SPINK5: variants seen among roughly 807,000 people sequenced by gnomAD.
SPINK5 encodes the protein serine protease inhibitor Kazal-type 5.
Under a neutral mutation model 151.8 loss-of-function variants are expected in SPINK5, and 125 were observed. The observed-to-expected ratio is 0.82, with a 90% CI of 0.71 to 0.96. The LOEUF (loss-of-function observed/expected upper bound fraction) is 0.96. SPINK5 is among the 40% of genes least tolerant of loss of function. The probability of loss-of-function intolerance (pLI) is 0.00; values close to 1 mark genes in which losing one functional copy is unlikely to be tolerated. For synonymous variants in SPINK5, 374 were observed against 395.3 expected (o/e 0.95, Z 0.64); for missense variants, 1,194 against 1,291.9 (o/e 0.92, Z 1.16).
chr5:148,099,418 C>A lies in SPINK5; in HGVS notation c.1092+103C>A, dbSNP rs11168021. On this transcript the variant is annotated intron_variant, in intron 12 of 32. Transcript: ENST00000256084. Reference sequence around the variant, plus strand: ...TGCCCTGCAGAAATCCCCAGAATATCTTAACTCTTCAATCTGGGGATGGTA... The same window carrying A: ...TGCCCTGCAGAAATCCCCAGAATATATTAACTCTTCAATCTGGGGATGGTA... The A allele has an allele frequency of 0.51, 453,022 of 893,504 alleles. 117,589 individuals are homozygous for A. The highest frequency in any genetic ancestry group is 0.64 in the Admixed American group (31,037 of 48,170). The allele number at this position is 893,504 out of a possible 1,614,324, so 55.3% of individuals were successfully genotyped here.
chr5:148,136,115 A>T (rs185765997), intron 32 of SPINK5, among the ~76,000 whole-genome samples: 164 of 152,264 alleles, frequency 1.1e-3, no homozygotes, highest in Non-Finnish European at 4.7e-4. Context: ...CCAGTGCTCT[A>T]CTACCATTCC....
In SPINK5 at chr5:148,136,964, T is replaced by C; in HGVS notation, c.3187-19T>C. 6.2e-7 allele frequency: 1 copy of C among 1,613,678 alleles called. No homozygotes were observed. The highest frequency in any genetic ancestry group is 1.7e-4 in the Middle Eastern group (1 of 6,060). ...TATCTCTGGGTTCTAGCATCTAACC[T>C]ACCCATCTTCTCTTCTAGGACGAAT... On this transcript the variant is annotated intron_variant, in intron 32 of 32. Transcript: ENST00000256084.
intron 15 of SPINK5, among the ~76,000 whole-genome samples, chr5:148,103,141 A>G (rs1298772368): frequency 6.6e-6 from 1 of 152,154 alleles, no homozygotes; most frequent in Non-Finnish European, 1.5e-5. Flanking sequence ...TTAGAAGGAA[A>G]GTTGAGATCA....
chr5:148,131,510 A>T, intron 31 of SPINK5, 121 bp downstream of exon 31: 1 of 1,434,848 alleles, frequency 7.0e-7, no homozygotes, highest in Non-Finnish European at 9.6e-7. Context: ...TTCATCATAG[A>T]AGTTAAAAAT....
At chr5:148,106,702 T>C (rs571939016) in intron 16 of SPINK5, among the ~76,000 whole-genome samples, 70 of 152,180 alleles carry the variant, frequency 4.6e-4, no homozygotes, top group African/African-American at 1.5e-3. Flanking sequence ...TAAAGACAAA[T>C]CACAGGTAAG....
rs1002189637 is a variant in SPINK5 at position 148,095,990 on chromosome 5, G to A, written c.882+85G>A. On this transcript the variant is annotated intron_variant, in intron 10 of 32. Transcript: ENST00000256084. ...TGAGAGAGTGCATATTACATAGTATGCACTTTCAATATTGTTTAATATTTT... is the reference window on the plus strand; with the variant it reads ...TGAGAGAGTGCATATTACATAGTATACACTTTCAATATTGTTTAATATTTT... 6.4e-5 allele frequency: 66 copies of A among 1,034,258 alleles called. No individual in the cohort carries two copies. In the African/African-American group the frequency reaches 6.5e-4, roughly 10 times the overall value. 64.1% of individuals were successfully genotyped at this position (1,034,258 alleles called of 1,614,324 possible). A position where few individuals can be genotyped will look rare whatever the true frequency, so the allele number is the denominator to read the frequency against.
intron 4 of SPINK5, among the ~76,000 whole-genome samples, chr5:148,081,584 A>C (rs1362150561): frequency 1.3e-5 from 2 of 151,576 alleles, no homozygotes; most frequent in Non-Finnish European, 3.0e-5. Context: ...GAGTCAGAAA[A>C]ATGTTTAATG....
At chr5:148,082,035 T>G (rs1392216846) in intron 4 of SPINK5, among the ~76,000 whole-genome samples, 5 of 151,734 alleles carry the variant, frequency 3.3e-5, no homozygotes, top group Non-Finnish European at 3.0e-5. Context: ...TTGTAATGTA[T>G]TAGCATACTG....
At chr5:148,129,301 T>C (rs1392336173) in intron 30 of SPINK5, among the ~76,000 whole-genome samples, 1 of 152,210 alleles carries the variant, frequency 6.6e-6, no homozygotes, top group Non-Finnish European at 1.5e-5. Flanking sequence ...ATTTATGTTT[T>C]AAAGGAATAA....
At chr5:148,079,992 C>A (rs1752978194) in intron 4 of SPINK5, among the ~76,000 whole-genome samples, 1 of 150,542 alleles carries the variant, frequency 6.6e-6, no homozygotes, top group African/African-American at 2.4e-5. Context: ...AAACATGATA[C>A]CATATATGAA....
intron 22 of SPINK5, among the ~76,000 whole-genome samples, 181 bp from the exon 23 acceptor site, chr5:148,118,256 A>T (rs1021434459): frequency 6.6e-6 from 1 of 152,162 alleles, no homozygotes; most frequent in African/African-American, 2.4e-5. Context: ...TGACCTCATG[A>T]TCCACCCATC....
At chr5:148,124,876 T>G (rs1477026241) in intron 28 of SPINK5, 39 bp downstream of exon 28, 1 of 1,539,196 alleles carries the variant, frequency 6.5e-7, no homozygotes, top group Admixed American at 2.1e-5. Context: ...CATTTTACTT[T>G]TCACCTTCAG....
In SPINK5 at chr5:148,123,816, T is replaced by C; in HGVS notation, c.2539-17T>C. ...TTATACCATGACAGTAACAACTTTT[T>C]CTGCTACTGTTGGTAGGATCTGTGT... is the stretch of plus-strand genomic sequence containing the variant. On this transcript the variant is annotated splice_polypyrimidine_tract_variant and intron_variant, in intron 26 of 32. Coordinates refer to ENST00000256084, the MANE Select transcript of SPINK5 (RefSeq NM_006846.4). 6.2e-7 allele frequency: 1 copy of C among 1,613,936 alleles called. No individual in the cohort carries two copies. Among genetic ancestry groups the C allele is most frequent in the South Asian group, 1.1e-5 (1 of 91,066 alleles).
At chr5:148,064,188 A>G (rs1283076528) in intron 1 of SPINK5, 89 bp downstream of exon 1, 2 of 1,320,038 alleles carry the variant, frequency 1.5e-6, no homozygotes, top group Non-Finnish European at 2.2e-6. Context: ...CTGCCAAAAA[A>G]TGTTTACGTA....
intron 2 of SPINK5, among the ~76,000 whole-genome samples, chr5:148,069,182 A>T (rs9325068): frequency 0.7 from 106,399 of 151,738 alleles, 37,782 homozygotes; most frequent in East Asian, 0.91. Flanking sequence ...GGTAGCAGAA[A>T]TGCACCATAT....
At chr5:148,112,645 C>T (rs1293841287) in intron 19 of SPINK5, among the ~76,000 whole-genome samples, 2 of 151,608 alleles carry the variant, frequency 1.3e-5, no homozygotes, top group East Asian at 1.9e-4. Flanking sequence ...TGCACTCCAG[C>T]CTGGCAACAG....
intron 4 of SPINK5, among the ~76,000 whole-genome samples, chr5:148,075,714 C>G (rs12110119): frequency 0.052 from 7,960 of 151,756 alleles, 679 homozygotes; most frequent in African/African-American, 0.18. Flanking sequence ...AAGCATTTAT[C>G]TTGAAAAACT....
At chr5:148,127,467 T>C (rs10515603) in intron 30 of SPINK5, among the ~76,000 whole-genome samples, 85,303 of 151,930 alleles carry the variant, frequency 0.56, 24,671 homozygotes, top group Admixed American at 0.65. Context: ...CAACCAAATC[T>C]GTTTCTACAT....
intron 26 of SPINK5, among the ~76,000 whole-genome samples, chr5:148,123,512 A>ATTATATATATATATATAT (rs1561703850): frequency 1.2e-4 from 14 of 120,948 alleles, no homozygotes; most frequent in African/African-American, 4.9e-4. Context: ...GCAGTGGTGC[A>ATTATATATATATATATAT]ATATATGTGT....
Sources: allele counts gnomAD v4.1 joint callset (sites outside exome capture counted in the v4.1 genomes callset), GRCh38; gene constraint gnomAD v4.1.1; transcripts MANE v1.5; gene names NCBI Gene and HGNC (gene_info 2026-07-23, HGNC 2026-07-21).